Variants in IL4I1 observed in about 807,000 individuals in gnomAD.
IL4I1 encodes interleukin 4 induced 1.
In IL4I1, 24 loss-of-function variants were observed where a neutral mutation model predicts 29.7. The ratio of observed to expected loss-of-function variants is 0.81; its 90% confidence interval spans 0.59 to 1.14. The LOEUF (loss-of-function observed/expected upper bound fraction) is 1.14, where lower values mean the gene tolerates loss of function less well. IL4I1 is among the 50% of genes most tolerant of loss of function. The pLI, the probability that IL4I1 is intolerant of heterozygous loss-of-function variation, is 0.00. For synonymous variants in IL4I1, 371 were observed against 352.5 expected (o/e 1.05, Z -0.59); for missense variants, 686 against 785.6 (o/e 0.87, Z 1.52).
At chr19:49,896,220 G>A (rs770141851) in intron 1 of IL4I1, 38 bp from the exon 2 acceptor site, 5 of 1,477,574 alleles carry the variant, frequency 3.4e-6, no homozygotes. Flanking sequence ...TGTGACTGAG[G>A]CCTGTGACCA....
chr19:49,918,268 T>G (rs1386160503), intron 2 of IL4I1, among the ~76,000 whole-genome samples: 1 of 152,154 alleles, frequency 6.6e-6, no homozygotes, highest in Non-Finnish European at 1.5e-5. Flanking sequence ...TCTCACTATG[T>G]TGCCCAGGCT....
At chr19:49,917,747 T>G (rs1357638299) in intron 2 of IL4I1, 1 of 151,988 alleles carries the variant, frequency 6.6e-6, no homozygotes, top group South Asian at 2.1e-4. Flanking sequence ...GAAAACAGAG[T>G]GGGCCAGGGA....
chr19:49,905,230 A>G (rs1000325974), intron 2 of IL4I1, among the ~76,000 whole-genome samples: 1 of 152,238 alleles, frequency 6.6e-6, no homozygotes, highest in Non-Finnish European at 1.5e-5. Context: ...ACACTTTGGA[A>G]ATACATGCTC....
chr19:49,905,651 C>T (rs962693481), intron 2 of IL4I1, among the ~76,000 whole-genome samples: 6 of 152,152 alleles, frequency 3.9e-5, no homozygotes, highest in Non-Finnish European at 7.3e-5. Context: ...GGCTGGAGTG[C>T]AATGGCATGA....
At position 49,890,109 on chromosome 19, in the gene IL4I1, T is replaced by A. The variant is rs2075110864; in HGVS notation, c.1265A>T (p.Asp422Val). Reference sequence around the variant, plus strand: ...GACAGGCCCGTGCAATGCCGCCACGTCGTCGAGCGCCAAGCGCAACGCCTC... The same window carrying A: ...GACAGGCCCGTGCAATGCCGCCACGACGTCGAGCGCCAAGCGCAACGCCTC... The part of the protein sequence containing the change: ...REEALRLALD[D>V]VAALHGPVVR... The change falls in exon 8 of 8, where the codon GAC becomes GTC. Residue 422 changes from aspartate to valine, a missense_variant. Transcript: ENST00000391826. 5.4e-5 allele frequency: 84 copies of A among 1,544,202 alleles called. No individual in the cohort carries two copies. Among genetic ancestry groups the A allele is most frequent in the Non-Finnish European group, 7.2e-5 (83 of 1,145,466 alleles).
chr19:49,906,365 C>T (rs1004364416), intron 2 of IL4I1, among the ~76,000 whole-genome samples: 2 of 152,170 alleles, frequency 1.3e-5, no homozygotes, highest in East Asian at 1.9e-4. Flanking sequence ...CGTGCCACCA[C>T]GCACAACCAA....
intron 3 of IL4I1, among the ~76,000 whole-genome samples, chr19:49,902,733 G>A (rs776316533): frequency 5.5e-4 from 83 of 152,006 alleles, no homozygotes; most frequent in Non-Finnish European, 1.0e-3. Flanking sequence ...AGGAGGCTGA[G>A]GCAGGAGAAT....
At chr19:49,919,890 T>C (rs906503227) in intron 2 of IL4I1, among the ~76,000 whole-genome samples, 3 of 152,180 alleles carry the variant, frequency 2.0e-5, no homozygotes, top group African/African-American at 7.2e-5. Flanking sequence ...CTTACTCTTG[T>C]ATTGAAAGTT....
chr19:49,893,837 A>G (rs1443917311), intron 5 of IL4I1, among the ~76,000 whole-genome samples: 1 of 151,648 alleles, frequency 6.6e-6, no homozygotes, highest in Non-Finnish European at 1.5e-5. Flanking sequence ...AAATACAAAA[A>G]TTAGCTGGGC....
intron 2 of IL4I1, among the ~76,000 whole-genome samples, chr19:49,910,386 G>T (rs924683186): frequency 6.6e-6 from 1 of 152,070 alleles, no homozygotes; most frequent in African/African-American, 2.4e-5. Flanking sequence ...CAGGGTCTGG[G>T]TTGCTGAAGG....
chr19:49,917,025 G>A (rs1272616957), intron 2 of IL4I1, among the ~76,000 whole-genome samples: 4 of 152,264 alleles, frequency 2.6e-5, no homozygotes, highest in Admixed American at 1.3e-4. Context: ...GATGCAAGAC[G>A]GACAGGGTGC....
At chr19:49,927,254 G>C (rs1368897745) in intron 2 of IL4I1, among the ~76,000 whole-genome samples, 2 of 152,106 alleles carry the variant, frequency 1.3e-5, no homozygotes, top group Admixed American at 1.3e-4. Flanking sequence ...AGTAAGAGGG[G>C]TGCAGTCAAG....
chr19:49,926,403 G>A (rs907182889), intron 2 of IL4I1, among the ~76,000 whole-genome samples: 15 of 151,916 alleles, frequency 9.9e-5, no homozygotes, highest in Admixed American at 3.3e-4. Flanking sequence ...GGTGGTGGGC[G>A]CCTGTAATCC....
Position 49,891,508 on chromosome 19 carries a change from C to T in IL4I1, c.568-35G>A, listed in dbSNP as rs376046002. 2.5e-6 allele frequency: 4 copies of T among 1,601,946 alleles called. No individual in the cohort carries two copies. The African/African-American group carries it at 4.0e-5, about 16-fold the overall frequency. ...AAGAAGCAGACATGGTGCTGAGCTGCCCGGGCAGCCAGGGTGGAGGCCGGG... is the reference window on the plus strand; with the variant it reads ...AAGAAGCAGACATGGTGCTGAGCTGTCCGGGCAGCCAGGGTGGAGGCCGGG... On this transcript the variant is annotated intron_variant, in intron 5 of 7. Transcript: ENST00000391826.
intron 2 of IL4I1, among the ~76,000 whole-genome samples, chr19:49,904,810 T>C (rs1347759704): frequency 1.3e-5 from 2 of 151,906 alleles, no homozygotes; most frequent in East Asian, 1.9e-4. Context: ...CCCGGGTTCA[T>C]GCCATTCTCC....
rs1393720543 is a variant in IL4I1, at chr19:49,894,417, G to A, written c.418C>T (p.Gln140Ter). 1.9e-6 allele frequency: 3 copies of A among 1,614,072 alleles called. No individual in the cohort carries two copies. In the African/African-American group the frequency reaches 4.0e-5, roughly 22 times the overall value. ...TCCGTCCACGTGTTCTTGTCGTACT[G>A]GGTGAACTTGGTCAGGTTGAGCCCC... The part of the protein sequence containing the change: ...GLGLNLTKFT[Q>*]YDKNTWTEVH... Residue 140 changes from glutamine to a stop codon, truncating the protein, a stop_gained, in exon 5 of 8, where the codon CAG (glutamine) becomes TAG (stop). Coordinates refer to ENST00000391826, the MANE Select transcript of IL4I1 (RefSeq NM_152899.2). LOFTEE classifies it high-confidence loss of function.
intron 2 of IL4I1, among the ~76,000 whole-genome samples, chr19:49,925,190 G>A (rs1387664312): frequency 6.6e-6 from 1 of 152,106 alleles, no homozygotes; most frequent in Non-Finnish European, 1.5e-5. Flanking sequence ...GAACCCAGGA[G>A]GCAGAGGTTG....
rs2075132641 is a variant in IL4I1 at position 49,891,093 on chromosome 19, C to T, written c.651G>A (p.Gly217=). The T allele has an allele frequency of 6.2e-7, 1 of 1,612,910 alleles. No homozygotes were observed. Among genetic ancestry groups the T allele is most frequent in the Non-Finnish European group, 8.5e-7 (1 of 1,179,684 alleles). ...ERHTLLEYLL[G]EGNLSRPAVQ... Reference sequence around the variant, plus strand: ...CGGCCGGCCGGCTCAGGTTCCCCTCCCCGAGAAGATATTCCTGCAGGTTGG... The same window carrying T: ...CGGCCGGCCGGCTCAGGTTCCCCTCTCCGAGAAGATATTCCTGCAGGTTGG... The change falls in exon 7 of 8, where the codon GGG becomes GGA. Residue 217 remains glycine (G), a synonymous_variant. Transcript: ENST00000391826.
At chr19:49,902,353 C>T (rs1377207560) in intron 3 of IL4I1, among the ~76,000 whole-genome samples, 2 of 150,616 alleles carry the variant, frequency 1.3e-5, no homozygotes, top group African/African-American at 4.9e-5. Context: ...AAGATGGCAG[C>T]CATTTCTTTT....
Sources: gnomAD v4.1 joint callset for allele counts (sites outside exome capture counted in the v4.1 genomes callset) on GRCh38, gnomAD v4.1.1 for gene constraint, MANE v1.5 for transcripts, NCBI Gene and HGNC (gene_info 2026-07-23, HGNC 2026-07-21) for gene names.